The following GRAMD1B variants were observed in gnomAD, a reference collection of about 807,000 sequenced individuals.
GRAMD1B encodes the protein protein Aster-B.
A neutral mutation model predicts 99.7 loss-of-function variants in GRAMD1B; 37 were observed. That is an observed-to-expected ratio of 0.37 (90% CI 0.29 to 0.49). GRAMD1B has a LOEUF of 0.49. Among genes scored for constraint, GRAMD1B ranks in the 20% least tolerant of loss-of-function variants. The probability of loss-of-function intolerance (pLI) is 0.98; values close to 1 mark genes in which losing one functional copy is unlikely to be tolerated. For missense variants in GRAMD1B, 888 were observed against 1,009.2 expected (o/e 0.88, Z 1.63); for synonymous variants, 427 against 387.6 (o/e 1.10, Z -1.19).
intron 2 of GRAMD1B, among the ~76,000 whole-genome samples, chr11:123,514,768 T>G (rs1040795524): frequency 6.6e-6 from 1 of 152,234 alleles, no homozygotes; most frequent in Non-Finnish European, 1.5e-5. Context: ...GAGAAAGTAC[T>G]CTGGCTCCAA....
intron 1 of GRAMD1B, among the ~76,000 whole-genome samples, chr11:123,420,389 T>C (rs1173005554): frequency 1.3e-5 from 2 of 152,180 alleles, no homozygotes; most frequent in South Asian, 2.1e-4. Context: ...AAAGTAGAGG[T>C]ACACCTACAT....
chr11:123,513,601 C>CTTT (rs1591772451), intron 2 of GRAMD1B, among the ~76,000 whole-genome samples: 29 of 37,378 alleles, frequency 7.8e-4, no homozygotes, highest in African/African-American at 1.9e-3. Context: ...TTCCTTCCTT[C>CTTT]CTTCCTTCCT....
chr11:123,434,528 C>A (rs1949070876), intron 1 of GRAMD1B, among the ~76,000 whole-genome samples: 1 of 152,178 alleles, frequency 6.6e-6, no homozygotes, highest in Non-Finnish European at 1.5e-5. Context: ...GTAGCTCATG[C>A]CTGTAATCCC....
intron 2 of GRAMD1B, among the ~76,000 whole-genome samples, chr11:123,540,424 A>C (rs1944395066): frequency 6.6e-6 from 1 of 152,210 alleles, no homozygotes. Context: ...TACTTTCTAC[A>C]AGGCTTTACA....
rs1953744513 is a variant in GRAMD1B at position 123,612,633 on chromosome 11, G to C, written c.1920-128G>C. 7.1e-6 allele frequency: 5 copies of C among 703,158 alleles called. No homozygotes were observed. The South Asian group carries it at 7.6e-5, about 11-fold the overall frequency. 43.6% of individuals were successfully genotyped at this position (703,158 alleles called of 1,614,324 possible). The stretch of plus-strand genomic sequence containing the variant: ...TCAGAGGGTGAGATGGATGTGGAAG[G>C]ACCTTTTAACTTGTAAAGTTTAGTA... On this transcript the variant is annotated intron_variant, in intron 14 of 19. Transcript: ENST00000635736.
At chr11:123,458,585 A>G (rs1950263593) in intron 1 of GRAMD1B, 1 of 152,202 alleles carries the variant, frequency 6.6e-6, no homozygotes, top group African/African-American at 2.4e-5. Flanking sequence ...CTTCTCACTA[A>G]AATCAATCTG....
chr11:123,513,422 G>A (rs1296224857), intron 2 of GRAMD1B, among the ~76,000 whole-genome samples: 1 of 151,854 alleles, frequency 6.6e-6, no homozygotes, highest in African/African-American at 2.4e-5. Flanking sequence ...AGGGCCATCT[G>A]ATAGCCTGAC....
intron 1 of GRAMD1B, among the ~76,000 whole-genome samples, chr11:123,480,096 G>T (rs1223226593): frequency 6.6e-6 from 1 of 152,178 alleles, no homozygotes; most frequent in African/African-American, 2.4e-5. Context: ...TTTCTCTGGA[G>T]TAAGAGGAAA....
intron 1 of GRAMD1B, among the ~76,000 whole-genome samples, chr11:123,475,126 G>T (rs960423047): frequency 6.6e-6 from 1 of 152,154 alleles, no homozygotes; most frequent in African/African-American, 2.4e-5. Flanking sequence ...GCTTCCTGGT[G>T]GTTCGTGGGT....
intron 3 of GRAMD1B, among the ~76,000 whole-genome samples, chr11:123,578,968 C>T (rs1949042284): frequency 1.3e-5 from 2 of 152,202 alleles, no homozygotes; most frequent in African/African-American, 2.4e-5. Context: ...CCTCCCCACT[C>T]GAGAGCTGCT....
intron 1 of GRAMD1B, among the ~76,000 whole-genome samples, chr11:123,444,865 G>A (rs923866955): frequency 2.0e-5 from 3 of 152,182 alleles, no homozygotes; most frequent in East Asian, 1.9e-4. Context: ...GTTTGTAGGT[G>A]GAGCTGAGAG....
chr11:123,508,693 C>CT lies in GRAMD1B; in HGVS notation c.452+27811dup, dbSNP rs973220017. 4.5e-3 allele frequency among the ~76,000 whole-genome samples: 657 copies of CT among 147,280 alleles called. 10 individuals are homozygous for CT. The highest frequency in any genetic ancestry group is 0.015 in the African/African-American group (588 of 40,390). On this transcript the variant is annotated intron_variant, in intron 2 of 19. Transcript: ENST00000635736. ...TAAATGATCACACAATCATTGCCTTCTTTTTTTTTTTGGCAGAGTTTTGCT... is the reference window on the plus strand; with the variant it reads ...TAAATGATCACACAATCATTGCCTTCTTTTTTTTTTTTGGCAGAGTTTTGCT...
At chr11:123,467,391 C>CT (rs1950735448) in intron 1 of GRAMD1B, among the ~76,000 whole-genome samples, 4 of 116,708 alleles carry the variant, frequency 3.4e-5, no homozygotes, top group African/African-American at 1.3e-4. Context: ...TGGTTTTCAA[C>CT]ACCTTTTTTT....
In GRAMD1B at chr11:123,625,152, C is replaced by G. The variant is rs779047275; in HGVS notation, c.*2557C>G. On this transcript the variant is annotated 3_prime_UTR_variant, in exon 20 of 20. Transcript: ENST00000635736. ...GCTTGCGAAAGACATCTTAACTCAC[C>G]CTTGCAGATAAGTCTTGGAGTGAAA... 1.3e-5 allele frequency: 2 copies of G among 152,194 alleles called. No individual in the cohort carries two copies. The highest frequency in any genetic ancestry group is 4.8e-5 in the African/African-American group (2 of 41,444). 9.4% of individuals were successfully genotyped at this position (152,194 alleles called of 1,614,324 possible).
chr11:123,528,383 G>T (rs937693552), intron 2 of GRAMD1B, among the ~76,000 whole-genome samples: 3 of 152,178 alleles, frequency 2.0e-5, no homozygotes, highest in Non-Finnish European at 4.4e-5. Context: ...CTATGGGTTG[G>T]TGATATATAA....
At chr11:123,400,392 G>T (rs1181313409) in intron 1 of GRAMD1B, among the ~76,000 whole-genome samples, 1 of 152,168 alleles carries the variant, frequency 6.6e-6, no homozygotes, top group Non-Finnish European at 1.5e-5. Context: ...CAGGAAAAAC[G>T]CTTGAATCCG....
intron 1 of GRAMD1B, among the ~76,000 whole-genome samples, chr11:123,413,697 G>T (rs1376131998): frequency 6.6e-6 from 1 of 152,146 alleles, no homozygotes; most frequent in Non-Finnish European, 1.5e-5. Flanking sequence ...TAAATGTTCA[G>T]AGGTCATCCA....
chr11:123,552,219 TATATCCCAGA>T (rs1004494817), intron 2 of GRAMD1B, among the ~76,000 whole-genome samples: 9 of 151,918 alleles, frequency 5.9e-5, no homozygotes, highest in South Asian at 2.1e-4. Flanking sequence ...CTTCCCTTAG[TATATCCCAGA>T]ATATCACCAA....
At chr11:123,526,194 A>ACCTT in intron 2 of GRAMD1B, 1 of 1,601,932 alleles carries the variant, frequency 6.2e-7, no homozygotes, top group South Asian at 1.1e-5. Context: ...GGGATAGGGC[A>ACCTT]CCTTCCTCTT....
Sources: gnomAD v4.1 joint callset for allele counts (sites outside exome capture counted in the v4.1 genomes callset) on GRCh38, gnomAD v4.1.1 for gene constraint, MANE v1.5 for transcripts, NCBI Gene and HGNC (gene_info 2026-07-23, HGNC 2026-07-21) for gene names.